The following RGS9 variants were observed in gnomAD, a reference collection of about 807,000 sequenced individuals.
RGS9 encodes regulator of G-protein signalling 9.
In RGS9, 78 loss-of-function variants were observed where a neutral mutation model predicts 102.0. That is an observed-to-expected ratio of 0.76 (90% CI 0.64 to 0.92). The LOEUF (loss-of-function observed/expected upper bound fraction) is 0.92, where lower values mean the gene tolerates loss of function less well. Among genes scored for constraint, RGS9 ranks in the 40% least tolerant of loss-of-function variants. RGS9 has a pLI of 0.00. For synonymous variants in RGS9, 353 were observed against 318.6 expected (o/e 1.11, Z -1.15); for missense variants, 833 against 866.1 (o/e 0.96, Z 0.48).
intron 13 of RGS9, among the ~76,000 whole-genome samples, chr17:65,201,225 C>A (rs1045624885): frequency 1.3e-5 from 2 of 152,178 alleles, no homozygotes; most frequent in Non-Finnish European, 2.9e-5. Context: ...CTGGACGCTG[C>A]AGGTTAGAGA....
chr17:65,210,403 C>A, intron 16 of RGS9, 85 bp from the exon 17 acceptor site: 1 of 1,484,626 alleles, frequency 6.7e-7, no homozygotes, highest in Non-Finnish European at 9.4e-7. Context: ...GACCTTCCAG[C>A]CCCAGCTCCC....
At chr17:65,209,009 G>T (rs574960237) in intron 16 of RGS9, among the ~76,000 whole-genome samples, 7 of 152,264 alleles carry the variant, frequency 4.6e-5, no homozygotes, top group African/African-American at 1.7e-4. Context: ...TCTACTTTAA[G>T]CCAGAAGAAA....
intron 8 of RGS9, among the ~76,000 whole-genome samples, chr17:65,168,899 C>T (rs977164161): frequency 1.6e-4 from 25 of 152,146 alleles, no homozygotes; most frequent in African/African-American, 5.3e-4. Flanking sequence ...GAAATGGTAG[C>T]CTCATTCCCC....
At chr17:65,201,888 G>A in intron 13 of RGS9, 105 bp from the exon 14 acceptor site, 1 of 786,830 alleles carries the variant, frequency 1.3e-6, no homozygotes, top group Non-Finnish European at 2.3e-6. Flanking sequence ...CACTGAGCTG[G>A]GAAATGGAAT....
intron 11 of RGS9, among the ~76,000 whole-genome samples, chr17:65,192,117 A>G (rs1006557837): frequency 3.9e-5 from 6 of 152,252 alleles, no homozygotes; most frequent in Non-Finnish European, 5.9e-5. Flanking sequence ...GGGGGTACAT[A>G]GTGATGTTTC....
chr17:65,221,372 T>C (rs780152924), intron 17 of RGS9, among the ~76,000 whole-genome samples: 21 of 152,184 alleles, frequency 1.4e-4, no homozygotes, highest in Non-Finnish European at 2.5e-4. Context: ...TATAGTGGGA[T>C]GATAGAAGTT....
At chr17:65,189,456 G>A in intron 10 of RGS9, 141 bp downstream of exon 10, 1 of 737,410 alleles carries the variant, frequency 1.4e-6, no homozygotes. Flanking sequence ...TTCACGGACA[G>A]CACAGAGTGA....
intron 2 of RGS9, among the ~76,000 whole-genome samples, chr17:65,157,225 G>A (rs1598567804): frequency 1.3e-5 from 2 of 152,306 alleles, no homozygotes; most frequent in South Asian, 4.1e-4. Context: ...CCTTTGGAAA[G>A]CAGGCTAAGA....
intron 16 of RGS9, among the ~76,000 whole-genome samples, chr17:65,208,360 A>C (rs938485603): frequency 6.6e-6 from 1 of 152,210 alleles, no homozygotes; most frequent in African/African-American, 2.4e-5. Context: ...ATTAAGGTAC[A>C]TCCTTGTATT....
intron 13 of RGS9, among the ~76,000 whole-genome samples, chr17:65,198,278 T>G (rs1031175042): frequency 6.6e-6 from 1 of 151,150 alleles, no homozygotes; most frequent in African/African-American, 2.4e-5. Flanking sequence ...TTTTTTGATA[T>G]GGAGTCTCGC....
Position 65,225,462 on chromosome 17 carries a change from G to C in RGS9, c.1868G>C (p.Arg623Pro), listed in dbSNP as rs139146881. Residue 623 changes from arginine (R) to proline (P), a missense_variant, in exon 18 of 19, where the codon CGA becomes CCA. Arg to Pro is a moderately radical substitution (Grantham distance 103, BLOSUM62 -2). Transcript: ENST00000262406. ...PLGDVGQQLP[R>P]LKSKRVANFF... ...GGGGACGTGGGCCAGCAGCTGCCACGATTGAAATCCAAGAGAGTAGCAAAG... is the reference window on the plus strand; with the variant it reads ...GGGGACGTGGGCCAGCAGCTGCCACCATTGAAATCCAAGAGAGTAGCAAAG... The C allele has an allele frequency of 3.2e-4, 508 of 1,604,350 alleles. 1 individual carries two copies. Among genetic ancestry groups the C allele is most frequent in the Non-Finnish European group, 1.9e-4 (220 of 1,179,990 alleles).
In RGS9 at chr17:65,168,293, C is replaced by T. The variant is rs545242379; in HGVS notation, c.582+12C>T. 6.3e-7 allele frequency: 1 copy of T among 1,588,264 alleles called. No homozygotes were observed. Among genetic ancestry groups the T allele is most frequent in the Admixed American group, 1.7e-5 (1 of 58,832 alleles). ...TGCACCGATGCCCTGTGAGTATCCTCCTGCCTGGTGTCCTCTGTCTCTTCC... is the reference window on the plus strand; with the variant it reads ...TGCACCGATGCCCTGTGAGTATCCTTCTGCCTGGTGTCCTCTGTCTCTTCC... On this transcript the variant is annotated intron_variant, in intron 8 of 18. Coordinates refer to ENST00000262406, the MANE Select transcript of RGS9 (RefSeq NM_003835.4).
intron 9 of RGS9, among the ~76,000 whole-genome samples, chr17:65,179,611 G>A (rs994649108): frequency 1.3e-5 from 2 of 150,952 alleles, no homozygotes; most frequent in African/African-American, 4.9e-5. Flanking sequence ...ACCCATCCGT[G>A]ACCCAAGCCA....
intron 1 of RGS9, among the ~76,000 whole-genome samples, chr17:65,152,237 AC>A (rs1910605754): frequency 6.6e-6 from 1 of 152,076 alleles, no homozygotes; most frequent in Non-Finnish European, 1.5e-5. Context: ...AGAACATGGG[AC>A]CCGCCCAAGG....
chr17:65,151,299 C>T (rs1012535494), intron 1 of RGS9, among the ~76,000 whole-genome samples: 6 of 150,144 alleles, frequency 4.0e-5, no homozygotes, highest in East Asian at 2.0e-4. Flanking sequence ...GAGCCAAGAT[C>T]GTGCCACTGC....
intron 17 of RGS9, among the ~76,000 whole-genome samples, chr17:65,216,261 T>C (rs1314178392): frequency 6.6e-6 from 1 of 152,214 alleles, no homozygotes; most frequent in African/African-American, 2.4e-5. Flanking sequence ...CAAAACTGAA[T>C]GTTACATTTT....
intron 8 of RGS9, among the ~76,000 whole-genome samples, chr17:65,174,509 GA>G (rs1598585889): frequency 6.6e-6 from 1 of 152,086 alleles, no homozygotes; most frequent in East Asian, 1.9e-4. Context: ...ATGTATGTGA[GA>G]ATATGTATGT....
intron 3 of RGS9, among the ~76,000 whole-genome samples, chr17:65,159,508 C>T (rs1251784038): frequency 3.9e-5 from 6 of 151,996 alleles, no homozygotes; most frequent in Non-Finnish European, 7.4e-5. Context: ...GGAAGTCTTC[C>T]CACACCTTGG....
intron 13 of RGS9, among the ~76,000 whole-genome samples, chr17:65,199,920 C>A (rs920287257): frequency 2.0e-5 from 3 of 152,088 alleles, no homozygotes; most frequent in Admixed American, 2.0e-4. Context: ...ATTTGGGTTG[C>A]TTTGACTTTT....
Sources: gnomAD v4.1 joint callset for allele counts (sites outside exome capture counted in the v4.1 genomes callset) on GRCh38, gnomAD v4.1.1 for gene constraint, MANE v1.5 for transcripts, NCBI Gene and HGNC (gene_info 2026-07-23, HGNC 2026-07-21) for gene names.